The following CYP39A1 variants were observed in gnomAD, a reference collection of about 807,000 sequenced individuals.
CYP39A1 encodes the protein cytochrome P450 family 39 subfamily A member 1, also known as 24-hydroxycholesterol 7-alpha-hydroxylase.
A neutral mutation model predicts 58.1 loss-of-function variants in CYP39A1; 49 were observed. The ratio of observed to expected loss-of-function variants is 0.84; its 90% confidence interval spans 0.67 to 1.07. The LOEUF (loss-of-function observed/expected upper bound fraction) is 1.07, where lower values mean the gene tolerates loss of function less well. Ranked by LOEUF, CYP39A1 falls within the 50% of genes least tolerant of loss-of-function variation. CYP39A1 has a pLI of 0.00. For missense variants in CYP39A1, 531 were observed against 539.4 expected (o/e 0.98, Z 0.16); for synonymous variants, 209 against 187.6 (o/e 1.11, Z -0.93).
intron 10 of CYP39A1, among the ~76,000 whole-genome samples, chr6:46,562,800 C>T (rs189936347): frequency 6.6e-6 from 1 of 151,970 alleles, no homozygotes; most frequent in African/African-American, 2.4e-5. Flanking sequence ...GGCAGAATTT[C>T]CCTAATTAAT....
intron 10 of CYP39A1, among the ~76,000 whole-genome samples, chr6:46,562,212 G>C (rs367948750): frequency 5.9e-5 from 9 of 151,916 alleles, no homozygotes; most frequent in African/African-American, 2.2e-4. Flanking sequence ...TAGTACAGAT[G>C]GTGTTTCACC....
chr6:46,639,524 T>C lies in CYP39A1; in HGVS notation c.458A>G (p.His153Arg). Residue 153 changes from histidine to arginine, a missense_variant, in exon 3 of 12, where the codon CAT becomes CGT. His to Arg is a conservative substitution (Grantham distance 29). Coordinates refer to ENST00000275016, the MANE Select transcript of CYP39A1 (RefSeq NM_016593.5). ...TAAGTTGTTCAGGTCCATTGTCCCA[T>C]GAGTGCCTAAATTCTCCAGTTGTTC... is the stretch of plus-strand genomic sequence containing the variant. ...LHEQLENLGT[H>R]GTMDLNNLVR... 1.9e-6 allele frequency: 3 copies of C among 1,614,118 alleles called. No homozygotes were observed. The highest frequency in any genetic ancestry group is 1.1e-5 in the South Asian group (1 of 91,082).
At chr6:46,572,007 G>A (rs963237407) in intron 10 of CYP39A1, among the ~76,000 whole-genome samples, 1 of 152,000 alleles carries the variant, frequency 6.6e-6, no homozygotes, top group East Asian at 1.9e-4. Flanking sequence ...ATCCAAGGGT[G>A]CACTCAATTT....
chr6:46,562,482 T>G (rs1771033791), intron 10 of CYP39A1, among the ~76,000 whole-genome samples: 1 of 152,022 alleles, frequency 6.6e-6, no homozygotes, highest in Admixed American at 6.6e-5. Flanking sequence ...AAATACATTT[T>G]AAAGGCCAGG....
intron 7 of CYP39A1, among the ~76,000 whole-genome samples, chr6:46,616,177 T>TTATCCC (rs1561994002): frequency 2.5e-4 from 10 of 39,796 alleles, no homozygotes; most frequent in African/African-American, 5.8e-4. Flanking sequence ...CTTTCTTTCT[T>TTATCCC]TCTTTCTTTC....
At chr6:46,564,847 C>A (rs1444379531) in intron 10 of CYP39A1, among the ~76,000 whole-genome samples, 1 of 152,172 alleles carries the variant, frequency 6.6e-6, no homozygotes. Context: ...ATAGAATGAT[C>A]TTGCCCCGGA....
At chr6:46,580,296 A>G (rs920529174) in intron 10 of CYP39A1, among the ~76,000 whole-genome samples, 8 of 152,216 alleles carry the variant, frequency 5.3e-5, no homozygotes, top group Non-Finnish European at 1.0e-4. Flanking sequence ...TAAACTAGCT[A>G]GCCATATGCA....
intron 10 of CYP39A1, among the ~76,000 whole-genome samples, chr6:46,578,847 T>G (rs1170082620): frequency 2.0e-5 from 3 of 152,042 alleles, no homozygotes; most frequent in Non-Finnish European, 2.9e-5. Flanking sequence ...AATAGAAGGA[T>G]GCACAGCTGA....
intron 5 of CYP39A1, among the ~76,000 whole-genome samples, 169 bp from the exon 6 acceptor site, chr6:46,631,239 T>C (rs1775643627): frequency 6.6e-6 from 1 of 151,682 alleles, no homozygotes; most frequent in South Asian, 2.1e-4. Context: ...TGTAGTATAG[T>C]AATTAGGAGT....
intron 5 of CYP39A1, among the ~76,000 whole-genome samples, chr6:46,631,419 A>C (rs941791027): frequency 6.6e-6 from 1 of 152,198 alleles, no homozygotes; most frequent in Non-Finnish European, 1.5e-5. Context: ...GTGAGAATTA[A>C]ATGAGTTAGT....
chr6:46,634,443 C>T (rs1488539209), intron 5 of CYP39A1, among the ~76,000 whole-genome samples: 1 of 151,916 alleles, frequency 6.6e-6, no homozygotes, highest in Non-Finnish European at 1.5e-5. Context: ...ATTAAAAATA[C>T]CTCATTTCTT....
chr6:46,619,907 C>T (rs755846531), intron 7 of CYP39A1, among the ~76,000 whole-genome samples: 6 of 152,096 alleles, frequency 3.9e-5, no homozygotes, highest in Admixed American at 1.3e-4. Flanking sequence ...GGTTAATCCA[C>T]ATAAGCCTGG....
chr6:46,597,823 C>T (rs1660417993), intron 7 of CYP39A1, among the ~76,000 whole-genome samples: 1 of 152,010 alleles, frequency 6.6e-6, no homozygotes, highest in South Asian at 2.1e-4. Context: ...GTGTTAACAC[C>T]TCAACAATGA....
intron 8 of CYP39A1, among the ~76,000 whole-genome samples, chr6:46,589,811 G>C (rs1373283190): frequency 6.6e-6 from 1 of 152,066 alleles, no homozygotes; most frequent in African/African-American, 2.4e-5. Context: ...CACAGGGATG[G>C]GCCTTCAGTC....
rs59926524 is a variant in CYP39A1 at position 46,652,534 on chromosome 6, G to C, written c.49C>G (p.Leu17Val). The C allele has an allele frequency of 5.2e-4, 831 of 1,612,972 alleles. 3 individuals carry two copies. In the African/African-American group the frequency reaches 0.01, roughly 20 times the overall value. The change falls in exon 1 of 12, where the codon CTG becomes GTG. Residue 17 changes from leucine to valine, a missense_variant. Transcript: ENST00000275016. ...TVIIILGCLA[L>V]FLLLQRKNLR... Reference sequence around the variant, plus strand: ...TTCTTCCGCTGAAGGAGTAAGAACAGAGCAAGGCAACCCAGGATTATAATC... The same window carrying C: ...TTCTTCCGCTGAAGGAGTAAGAACACAGCAAGGCAACCCAGGATTATAATC...
At chr6:46,628,645 G>A (rs1775465455) in intron 6 of CYP39A1, among the ~76,000 whole-genome samples, 1 of 152,160 alleles carries the variant, frequency 6.6e-6, no homozygotes, top group Non-Finnish European at 1.5e-5. Context: ...AGAGTACAAA[G>A]TAGGAGAGAG....
chr6:46,571,667 T>A (rs1771590400), intron 10 of CYP39A1, among the ~76,000 whole-genome samples: 1 of 152,010 alleles, frequency 6.6e-6, no homozygotes. Flanking sequence ...GTTTGCTTTT[T>A]TTTTTTACCA....
At chr6:46,638,082 T>C in intron 3 of CYP39A1, 104 bp from the exon 4 acceptor site, 1 of 1,138,108 alleles carries the variant, frequency 8.8e-7, no homozygotes, top group Non-Finnish European at 1.2e-6. Flanking sequence ...GGGGAGCAGA[T>C]AATAGGTGAC....
intron 7 of CYP39A1, among the ~76,000 whole-genome samples, chr6:46,606,015 G>A (rs1415769743): frequency 6.6e-6 from 1 of 152,108 alleles, no homozygotes; most frequent in East Asian, 1.9e-4. Flanking sequence ...AATCAGATCT[G>A]TGAAAATCCA....
Sources: gnomAD v4.1 joint callset for allele counts (sites outside exome capture counted in the v4.1 genomes callset) on GRCh38, gnomAD v4.1.1 for gene constraint, MANE v1.5 for transcripts, NCBI Gene and HGNC (gene_info 2026-07-23, HGNC 2026-07-21) for gene names.